Variants in NUP98 observed in about 807,000 individuals in gnomAD.
NUP98 encodes nuclear pore complex protein Nup98-Nup96.
NUP98 carries 26 observed loss-of-function variants against 191.9 expected under a neutral mutation model. The ratio of observed to expected loss-of-function variants is 0.14; its 90% CI spans 0.10 to 0.19. NUP98 has a LOEUF of 0.19. Among genes scored for constraint, NUP98 ranks in the 10% least tolerant of loss-of-function variants. The pLI is 1.00. For missense variants in NUP98, 1,941 were observed against 2,178.8 expected (o/e 0.89, Z 2.17); for synonymous variants, 808 against 778.4 (o/e 1.04, Z -0.63).
chr11:3,690,905 G>T, intron 28 of NUP98, among the ~76,000 whole-genome samples: 1 of 151,964 alleles, frequency 6.6e-6, no homozygotes, highest in East Asian at 1.9e-4. Flanking sequence ...CAATTATTAT[G>T]CAGAATCAAA....
chr11:3,794,453 T>G (rs909798706), intron 1 of NUP98, among the ~76,000 whole-genome samples: 1 of 152,188 alleles, frequency 6.6e-6, no homozygotes, highest in Non-Finnish European at 1.5e-5. Flanking sequence ...CCCGAGTAGC[T>G]GGGGCAATGG....
intron 13 of NUP98, among the ~76,000 whole-genome samples, chr11:3,733,332 A>ACGGAGTTT (rs2079916729): frequency 6.6e-6 from 1 of 152,016 alleles, no homozygotes; most frequent in African/African-American, 2.4e-5. Flanking sequence ...TTGTTTTGAG[A>ACGGAGTTT]CGGAGTTTCG....
Position 3,675,081 on chromosome 11 carries a change from A to C in NUP98, c.*1078T>G, listed in dbSNP as rs143192527. On this transcript the variant is annotated 3_prime_UTR_variant, in exon 33 of 33. Transcript: ENST00000324932. ...TTCAGAAAAAGAGGAAAATATCTAG[A>C]TCATTTATTTATACATATATATATT... The C allele has an allele frequency of 1.7e-5, 3 of 178,664 alleles. No homozygotes were observed. Among genetic ancestry groups the C allele is most frequent in the Admixed American group, 1.3e-4 (2 of 15,852 alleles). The allele number at this position is 178,664 out of a possible 1,614,324, so 11.1% of individuals were successfully genotyped here.
In NUP98 at chr11:3,704,948, G is replaced by GCAGTA. The variant is rs566125434; in HGVS notation, c.3082+251_3082+252insTACTG. Among the ~76,000 whole-genome samples, 49 of 152,374 alleles carry GCAGTA rather than the reference G, an allele frequency of 3.2e-4. No individual in the cohort carries two copies. The South Asian group carries it at 9.9e-3, about 31-fold the overall frequency. On this transcript the variant is annotated intron_variant, in intron 22 of 32. Coordinates refer to ENST00000324932, the MANE Select transcript of NUP98 (RefSeq NM_016320.5). ...TGCTTGAGCCCAAGAGTTCAAGGCTGTAGTAAGTGCGACTGCATAACTGCA... is the reference window on the plus strand; with the variant it reads ...TGCTTGAGCCCAAGAGTTCAAGGCTGCAGTATAGTAAGTGCGACTGCATAACTGCA...
chr11:3,771,251 C>T (rs1052106349), intron 7 of NUP98, among the ~76,000 whole-genome samples: 1 of 152,178 alleles, frequency 6.6e-6, no homozygotes. Context: ...AATCTACTGT[C>T]AATATAGGAG....
At chr11:3,686,466 A>C (rs1185759219) in intron 28 of NUP98, among the ~76,000 whole-genome samples, 1 of 152,140 alleles carries the variant, frequency 6.6e-6, no homozygotes, top group African/African-American at 2.4e-5. Context: ...TACCATCCTG[A>C]TACAGGGAGT....
intron 28 of NUP98, among the ~76,000 whole-genome samples, chr11:3,686,709 C>T (rs552264443): frequency 6.6e-6 from 1 of 152,208 alleles, no homozygotes; most frequent in Non-Finnish European, 1.5e-5. Context: ...TAGAGCAAGG[C>T]GCGGTGGCTC....
chr11:3,730,794 C>G (rs942768662), intron 14 of NUP98, among the ~76,000 whole-genome samples: 4 of 146,926 alleles, frequency 2.7e-5, no homozygotes, highest in Non-Finnish European at 4.5e-5. Flanking sequence ...AGAGTGAGAC[C>G]TGAACTTTTA....
chr11:3,754,489 C>T (rs1351263611), intron 10 of NUP98, among the ~76,000 whole-genome samples: 1 of 152,096 alleles, frequency 6.6e-6, no homozygotes, highest in Non-Finnish European at 1.5e-5. Flanking sequence ...ACCTAAAGGT[C>T]CTTGCTAAGA....
intron 19 of NUP98, 57 bp downstream of exon 19, chr11:3,713,761 C>A (rs1009620661): frequency 6.6e-7 from 1 of 1,515,896 alleles, no homozygotes; most frequent in Admixed American, 2.0e-5. Context: ...CCAACATAAA[C>A]GTTATGTGAC....
chr11:3,729,783 A>T (rs1168105763), intron 14 of NUP98, among the ~76,000 whole-genome samples: 3 of 149,178 alleles, frequency 2.0e-5, no homozygotes, highest in Non-Finnish European at 4.5e-5. Context: ...GAGGCCAAGG[A>T]GGTCAGATGG....
chr11:3,781,510 A>C (rs1259869579), intron 2 of NUP98: 2 of 150,500 alleles, frequency 1.3e-5, no homozygotes, highest in Non-Finnish European at 3.0e-5. Flanking sequence ...AAAAAAAAAA[A>C]AAAAAAACCC....
Position 3,675,421 on chromosome 11 carries a change from G to A in NUP98, c.*738C>T, listed in dbSNP as rs147341580. The A allele has an allele frequency of 1.5e-4, 33 of 226,630 alleles. 1 individual carries two copies. Among genetic ancestry groups the A allele is most frequent in the East Asian group, 1.3e-3 (20 of 15,758 alleles). The allele number at this position is 226,630 out of a possible 1,614,324, so 14.0% of individuals were successfully genotyped here. Reference sequence around the variant, plus strand: ...GCAGGCAAATCCAGACAGAGTCTCAGCAAGACTGAAAACCAGGGACCAAAC... The same window carrying A: ...GCAGGCAAATCCAGACAGAGTCTCAACAAGACTGAAAACCAGGGACCAAAC... On this transcript the variant is annotated 3_prime_UTR_variant, in exon 33 of 33. Coordinates refer to ENST00000324932, the MANE Select transcript of NUP98 (RefSeq NM_016320.5).
At position 3,713,914 on chromosome 11, in the gene NUP98, A is replaced by G. The variant is rs1370598248; in HGVS notation, c.2481T>C (p.Ala827=). 6 of 1,614,182 alleles carry G rather than the reference A, an allele frequency of 3.7e-6. No homozygotes were observed. The highest frequency in any genetic ancestry group is 5.1e-6 in the Non-Finnish European group (6 of 1,180,024). ...CCAATCTTCCTTCATAGTTGATATC[A>G]GCAAGGCGATCTGGGCTCTTTATTA... ...RCLIKSPDRL[A]DINYEGRLEA... The change falls in exon 19 of 33, where the codon GCT becomes GCC. Residue 827 remains alanine (A), a synonymous_variant. Transcript: ENST00000324932.
rs746740506 is a variant in NUP98, at chr11:3,753,444, A to G, written c.1175-36T>C. 5.3e-6 allele frequency: 8 copies of G among 1,498,244 alleles called. No homozygotes were observed. In the South Asian group the frequency reaches 9.1e-5, roughly 17 times the overall value. The allele number at this position is 1,498,244 out of a possible 1,614,324, so 92.8% of individuals were successfully genotyped here. ...AAAAGAATGAGTGGATTGTACTTTT[A>G]ATATAACTCTCAATTTCCTCTATAA... On this transcript the variant is annotated intron_variant, in intron 10 of 32. Coordinates refer to ENST00000324932, the MANE Select transcript of NUP98 (RefSeq NM_016320.5).
chr11:3,725,851 C>T (rs2079597986), intron 14 of NUP98, among the ~76,000 whole-genome samples: 1 of 152,066 alleles, frequency 6.6e-6, no homozygotes, highest in South Asian at 2.1e-4. Context: ...ACTGTGTCAC[C>T]CACGCTGGTG....
chr11:3,747,899 C>G (rs2080568057), intron 11 of NUP98, among the ~76,000 whole-genome samples: 1 of 152,294 alleles, frequency 6.6e-6, no homozygotes, highest in East Asian at 1.9e-4. Flanking sequence ...GGGCCTGCTT[C>G]AGCAGATGTG....
At chr11:3,791,627 G>A (rs1023254918) in intron 1 of NUP98, among the ~76,000 whole-genome samples, 74 of 149,954 alleles carry the variant, frequency 4.9e-4, no homozygotes, top group African/African-American at 1.4e-3. Flanking sequence ...GACAGATCAC[G>A]AGGTCAGGAG....
chr11:3,786,268 T>C (rs904063948), intron 1 of NUP98, among the ~76,000 whole-genome samples: 2 of 152,246 alleles, frequency 1.3e-5, no homozygotes, highest in East Asian at 1.9e-4. Flanking sequence ...AAACCAACAA[T>C]TGGTACTACA....
Sources: gnomAD v4.1 joint callset for allele counts (sites outside exome capture counted in the v4.1 genomes callset) on GRCh38, gnomAD v4.1.1 for gene constraint, MANE v1.5 for transcripts, NCBI Gene and HGNC (gene_info 2026-07-23, HGNC 2026-07-21) for gene names.